SLCO1A2: variants seen among roughly 807,000 people sequenced by gnomAD.
SLCO1A2 encodes the protein OATP-1.
SLCO1A2 carries 67 observed loss-of-function variants against 69.0 expected under a neutral mutation model. The observed-to-expected ratio is 0.97, with a 90% CI of 0.80 to 1.19. The LOEUF is 1.19. Among genes scored for constraint, SLCO1A2 ranks in the 50% most tolerant of loss-of-function variants. SLCO1A2 has a pLI of 0.00. For missense variants in SLCO1A2, 787 were observed against 793.7 expected (o/e 0.99, Z 0.10); for synonymous variants, 260 against 265.9 (o/e 0.98, Z 0.22).
Position 21,314,565 on chromosome 12 carries a change from G to A in SLCO1A2, c.319C>T (p.His107Tyr), listed in dbSNP as rs1950634640. ...AGTACTTACTGGTTCATGAGGAAAT[G>A]AGGTAGTGATTTTAAGAAACAGCCT... Reference protein sequence around the residue: ...GLGCFLKSLPHFLMNQYEYES... With the variant: ...GLGCFLKSLPYFLMNQYEYES... Residue 107 changes from histidine to tyrosine, a missense_variant, in exon 4 of 15, where the codon CAT becomes TAT. By Grantham distance (83) the His-to-Tyr change is moderately conservative (BLOSUM62 2). Coordinates refer to ENST00000683939, the MANE Select transcript of SLCO1A2 (RefSeq NM_001386879.1). 3 of 1,614,082 alleles carry A rather than the reference G, an allele frequency of 1.9e-6. No individual in the cohort carries two copies. The highest frequency in any genetic ancestry group is 2.7e-5 in the African/African-American group (2 of 75,048).
At chr12:21,353,045 A>C (rs1027699262) in intron 2 of SLCO1A2, among the ~76,000 whole-genome samples, 1 of 152,198 alleles carries the variant, frequency 6.6e-6, no homozygotes, top group Non-Finnish European at 1.5e-5. Flanking sequence ...TTCCCCCTTA[A>C]ATAATTATAA....
At chr12:21,330,913 A>T (rs1952573410) in intron 2 of SLCO1A2, among the ~76,000 whole-genome samples, 1 of 152,146 alleles carries the variant, frequency 6.6e-6, no homozygotes, top group South Asian at 2.1e-4. Context: ...TTCTGGTTTG[A>T]CATAAATATT....
chr12:21,393,506 T>G (rs906777310), intron 1 of SLCO1A2, among the ~76,000 whole-genome samples: 32 of 152,218 alleles, frequency 2.1e-4, no homozygotes, highest in Admixed American at 2.1e-3. Flanking sequence ...TCTGTCAAGA[T>G]TTTTGAAGCT....
chr12:21,275,254 A>T, intron 13 of SLCO1A2, 106 bp downstream of exon 13: 1 of 1,060,284 alleles, frequency 9.4e-7, no homozygotes, highest in South Asian at 1.8e-5. Flanking sequence ...TACATATGTA[A>T]CAAACCTGCA....
chr12:21,363,027 G>T (rs1357335909), intron 2 of SLCO1A2, among the ~76,000 whole-genome samples: 2 of 152,152 alleles, frequency 1.3e-5, no homozygotes, highest in Non-Finnish European at 2.9e-5. Flanking sequence ...ATTAAACTCA[G>T]CTCTGCACCA....
intron 1 of SLCO1A2, among the ~76,000 whole-genome samples, chr12:21,401,536 T>C (rs1251594057): frequency 6.6e-6 from 1 of 151,902 alleles, no homozygotes; most frequent in Non-Finnish European, 1.5e-5. Flanking sequence ...TAAATAAGTA[T>C]AAATATGTAA....
chr12:21,295,529 G>A, intron 10 of SLCO1A2, 68 bp downstream of exon 10: 7 of 969,028 alleles, frequency 7.2e-6, no homozygotes, highest in Non-Finnish European at 1.1e-5. Flanking sequence ...ATCGTGCATT[G>A]CCATTGTAAA....
chr12:21,339,163 A>G (rs1339456887), upstream of SLCO1A2, among the ~76,000 whole-genome samples: 1 of 152,042 alleles, frequency 6.6e-6, no homozygotes, highest in Non-Finnish European at 1.5e-5. Flanking sequence ...TTCTACAAAT[A>G]TTTATTAAGA....
intron 2 of SLCO1A2, among the ~76,000 whole-genome samples, chr12:21,367,221 G>A: frequency 6.6e-6 from 1 of 152,198 alleles, no homozygotes; most frequent in African/African-American, 2.4e-5. Context: ...AATGTGTTTA[G>A]AACTATGCTC....
rs139230533 is a variant in SLCO1A2, at chr12:21,294,035, T to C, written c.1347A>G (p.Ile449Met). 487 of 1,612,240 alleles carry C rather than the reference T, an allele frequency of 3.0e-4. 1 individual carries two copies. The highest frequency in any genetic ancestry group is 2.8e-4 in the Non-Finnish European group (331 of 1,179,176). ...CATTGTTTCCACACACAGGATCCCA[T>C]ATTTTAGATGGACAGTTGCAATCCA... is the stretch of plus-strand genomic sequence containing the variant. ...CNVDCNCPSK[I>M]WDPVCGNNGL... is the part of the protein sequence containing the mutation. Residue 449 changes from isoleucine to methionine, a missense_variant, in exon 11 of 15, where the codon ATA becomes ATG. Transcript: ENST00000683939.
intron 12 of SLCO1A2, among the ~76,000 whole-genome samples, chr12:21,279,276 TAA>T: frequency 6.6e-6 from 1 of 152,016 alleles, no homozygotes; most frequent in East Asian, 1.9e-4. Context: ...GAGAAAGAGA[TAA>T]GAGTAGAAAG....
At chr12:21,372,512 A>G (rs1030864449) in intron 2 of SLCO1A2, among the ~76,000 whole-genome samples, 2 of 152,046 alleles carry the variant, frequency 1.3e-5, no homozygotes, top group Non-Finnish European at 2.9e-5. Context: ...GGATTCAGCC[A>G]TTGAGGTCAC....
intron 4 of SLCO1A2, among the ~76,000 whole-genome samples, chr12:21,312,209 C>A (rs1209572488): frequency 6.6e-6 from 1 of 152,200 alleles, no homozygotes; most frequent in African/African-American, 2.4e-5. Flanking sequence ...TCTCCATCAG[C>A]ACTTGCTGCT....
At chr12:21,335,752 C>T (rs564625095), upstream of SLCO1A2, among the ~76,000 whole-genome samples, 9 of 152,110 alleles carry the variant, frequency 5.9e-5, no homozygotes, top group Non-Finnish European at 8.8e-5. Flanking sequence ...AAGGCATAGT[C>T]GCTGCACTAT....
intron 1 of SLCO1A2, among the ~76,000 whole-genome samples, chr12:21,412,843 GC>G (rs1426032968): frequency 6.6e-6 from 1 of 152,128 alleles, no homozygotes; most frequent in Non-Finnish European, 1.5e-5. Context: ...TAAAAATGCT[GC>G]CAGGTCACGG....
At chr12:21,350,835 C>CAAA (rs11454466) in intron 2 of SLCO1A2, among the ~76,000 whole-genome samples, 430 of 40,708 alleles carry the variant, frequency 0.011, 142 homozygotes, top group African/African-American at 0.036. Flanking sequence ...GACTCTGTCT[C>CAAA]AAAAAAAAAA....
intron 3 of SLCO1A2, among the ~76,000 whole-genome samples, chr12:21,315,809 T>C (rs7137014): frequency 0.015 from 2,272 of 152,264 alleles, 51 homozygotes; most frequent in African/African-American, 0.052. Flanking sequence ...TCCATATCTG[T>C]TTTTTGAAAG....
At chr12:21,369,749 G>T (rs1055577670) in intron 2 of SLCO1A2, among the ~76,000 whole-genome samples, 1 of 152,208 alleles carries the variant, frequency 6.6e-6, no homozygotes, top group African/African-American at 2.4e-5. Flanking sequence ...GCTCCCAGGT[G>T]ATGCAAAAGC....
intron 12 of SLCO1A2, among the ~76,000 whole-genome samples, chr12:21,283,581 T>A (rs901430903): frequency 7.2e-5 from 11 of 151,762 alleles, no homozygotes; most frequent in Non-Finnish European, 1.5e-4. Context: ...TGGGATCACA[T>A]CAAGTTAAGA....
Sources: gnomAD v4.1 joint callset for allele counts (sites outside exome capture counted in the v4.1 genomes callset) on GRCh38, gnomAD v4.1.1 for gene constraint, MANE v1.5 for transcripts, NCBI Gene and HGNC (gene_info 2026-07-23, HGNC 2026-07-21) for gene names.